Variants in SH3PXD2A observed in about 807,000 individuals in gnomAD.
SH3PXD2A encodes SH3 and PX domain-containing protein 2A.
Under a neutral mutation model 115.2 loss-of-function variants are expected in SH3PXD2A, and 32 were observed. The observed-to-expected ratio is 0.28, with a 90% CI of 0.21 to 0.37. The LOEUF (loss-of-function observed/expected upper bound fraction) is 0.37. SH3PXD2A is among the 10% of genes least tolerant of loss of function. SH3PXD2A has a pLI of 1.00. For missense variants in SH3PXD2A, 1,328 were observed against 1,498.7 expected, an observed-to-expected ratio of 0.89 and a Z score of 1.88; for synonymous variants, 610 against 629.1, an observed-to-expected ratio of 0.97 and a Z score of 0.45.
intron 2 of SH3PXD2A, among the ~76,000 whole-genome samples, chr10:103,799,860 G>T (rs565158912): frequency 2.0e-5 from 3 of 152,330 alleles, no homozygotes; most frequent in South Asian, 4.1e-4. Context: ...AGAGTAGGGA[G>T]TGGCTTTCAA....
chr10:103,677,712 T>C (rs1300079718), intron 6 of SH3PXD2A, among the ~76,000 whole-genome samples: 3 of 152,188 alleles, frequency 2.0e-5, no homozygotes, highest in African/African-American at 7.2e-5. Context: ...GTTATGAGTC[T>C]CTTCAATCAG....
chr10:103,809,897 C>A (rs1338713125), intron 1 of SH3PXD2A, among the ~76,000 whole-genome samples: 1 of 151,770 alleles, frequency 6.6e-6, no homozygotes, highest in Non-Finnish European at 1.5e-5. Context: ...CATGGGTGGC[C>A]AGGCTGGTCT....
intron 4 of SH3PXD2A, among the ~76,000 whole-genome samples, chr10:103,727,434 C>T (rs1321088763): frequency 2.0e-5 from 3 of 152,024 alleles, no homozygotes; most frequent in African/African-American, 7.2e-5. Context: ...GGAGAGAGTG[C>T]CAATGGGGTC....
At chr10:103,708,056 T>C (rs7084804) in intron 5 of SH3PXD2A, among the ~76,000 whole-genome samples, 20,107 of 152,160 alleles carry the variant, frequency 0.13, 2,267 homozygotes, top group East Asian at 0.31. Flanking sequence ...CCTGCGCTCC[T>C]GGCTTGAGCA....
chr10:103,776,680 G>A (rs2038883078), intron 2 of SH3PXD2A, among the ~76,000 whole-genome samples: 1 of 152,008 alleles, frequency 6.6e-6, no homozygotes, highest in African/African-American at 2.4e-5. Flanking sequence ...GCATTCCTTG[G>A]TTTGTAAAAA....
At chr10:103,697,441 ACCACG>A (rs2037838205) in intron 5 of SH3PXD2A, among the ~76,000 whole-genome samples, 4 of 152,218 alleles carry the variant, frequency 2.6e-5, no homozygotes, top group Non-Finnish European at 4.4e-5. Flanking sequence ...TAAGGACCTC[ACCACG>A]ATGCTGGCAG....
At chr10:103,764,709 G>C (rs1170196006) in intron 3 of SH3PXD2A, among the ~76,000 whole-genome samples, 1 of 152,228 alleles carries the variant, frequency 6.6e-6, no homozygotes, top group Non-Finnish European at 1.5e-5. Flanking sequence ...GAAGTTCAGA[G>C]AGGTCCTCAG....
intron 5 of SH3PXD2A, among the ~76,000 whole-genome samples, chr10:103,719,866 C>T (rs1343032009): frequency 2.0e-5 from 3 of 151,682 alleles, no homozygotes; most frequent in African/African-American, 7.3e-5. Flanking sequence ...ATTACAGGCA[C>T]GTGCCACCAC....
chr10:103,846,117 C>G (rs1842846070), intron 1 of SH3PXD2A, among the ~76,000 whole-genome samples: 1 of 152,358 alleles, frequency 6.6e-6, no homozygotes, highest in Non-Finnish European at 1.5e-5. Flanking sequence ...CACACACACA[C>G]AGAGTCTACC....
At chr10:103,833,901 G>T (rs1026221263) in intron 1 of SH3PXD2A, among the ~76,000 whole-genome samples, 3 of 152,176 alleles carry the variant, frequency 2.0e-5, no homozygotes, top group African/African-American at 7.2e-5. Flanking sequence ...TGGGGAGTTA[G>T]TCAACATTAA....
chr10:103,758,013 C>T (rs116363892), intron 3 of SH3PXD2A, among the ~76,000 whole-genome samples: 131 of 152,324 alleles, frequency 8.6e-4, no homozygotes, highest in African/African-American at 2.9e-3. Flanking sequence ...TCCCGTTGCA[C>T]GCCACACAGC....
intron 1 of SH3PXD2A, among the ~76,000 whole-genome samples, chr10:103,832,237 C>A (rs74157357): frequency 5.8e-4 from 88 of 152,200 alleles, no homozygotes; most frequent in African/African-American, 2.0e-3. Flanking sequence ...CCCATTCTGA[C>A]TGATAAACCA....
chr10:103,829,062 G>C (rs2039460752), intron 1 of SH3PXD2A, among the ~76,000 whole-genome samples: 1 of 152,084 alleles, frequency 6.6e-6, no homozygotes. Flanking sequence ...CATGCTGCTG[G>C]GTTCTTATTT....
At chr10:103,762,965 TG>T (rs913871645) in intron 3 of SH3PXD2A, among the ~76,000 whole-genome samples, 37 of 151,720 alleles carry the variant, frequency 2.4e-4, no homozygotes, top group African/African-American at 9.0e-4. Context: ...GAGCCCTGTC[TG>T]GGTCAGCTTC....
chr10:103,741,503 C>T (rs2134192049), intron 3 of SH3PXD2A, among the ~76,000 whole-genome samples: 1 of 152,328 alleles, frequency 6.6e-6, no homozygotes, highest in South Asian at 2.1e-4. Context: ...AGGACCCCCT[C>T]TCATCTTCTC....
At position 103,855,328 on chromosome 10, in the gene SH3PXD2A, G is replaced by T. The variant is rs1425592730; in HGVS notation, c.-62C>A. 6.6e-6 allele frequency: 9 copies of T among 1,357,714 alleles called. No homozygotes were observed. In the African/African-American group the frequency reaches 1.2e-4, roughly 18 times the overall value. 84.1% of individuals were successfully genotyped at this position (1,357,714 alleles called of 1,614,324 possible). On this transcript the variant is annotated 5_prime_UTR_variant, in exon 1 of 15. Transcript: ENST00000369774. ...CACCTTCTCATCCCGGCCGGGCTCC[G>T]GCTCCTTCTCCAGCTGCCGGGGTCC...
intron 2 of SH3PXD2A, among the ~76,000 whole-genome samples, chr10:103,772,819 G>T (rs1564885566): frequency 6.6e-6 from 1 of 152,324 alleles, no homozygotes; most frequent in East Asian, 1.9e-4. Flanking sequence ...AAGCTTTCAG[G>T]CCCCAATCCT....
intron 2 of SH3PXD2A, among the ~76,000 whole-genome samples, chr10:103,776,282 A>G (rs1228651298): frequency 1.3e-5 from 2 of 151,928 alleles, no homozygotes; most frequent in African/African-American, 2.4e-5. Context: ...GGTCTCAGCT[A>G]CTTGGGACAC....
intron 2 of SH3PXD2A, among the ~76,000 whole-genome samples, chr10:103,778,092 A>G (rs191126401): frequency 9.3e-4 from 142 of 152,236 alleles, no homozygotes; most frequent in Admixed American, 1.8e-3. Context: ...CACTTTGGAA[A>G]GCCGAGGCAG....
Sources: allele counts gnomAD v4.1 joint callset (sites outside exome capture counted in the v4.1 genomes callset), GRCh38; gene constraint gnomAD v4.1.1; transcripts MANE v1.5; gene names NCBI Gene and HGNC (gene_info 2026-07-23, HGNC 2026-07-21).